The following ADCY2 variants were observed in gnomAD, a reference collection of about 807,000 sequenced individuals.
The protein encoded by ADCY2 is adenylate cyclase 2.
ADCY2 carries 31 observed loss-of-function variants against 125.2 expected under a neutral mutation model. That is an observed-to-expected ratio of 0.25 (90% CI 0.19 to 0.33). ADCY2 has a LOEUF of 0.33. Among genes scored for constraint, ADCY2 ranks in the 10% least tolerant of loss-of-function variants. The pLI is 1.00. For synonymous variants in ADCY2, 512 were observed against 548.4 expected, an observed-to-expected ratio of 0.93 and a Z score of 0.93; for missense variants, 904 against 1,418.2, an observed-to-expected ratio of 0.64 and a Z score of 5.82.
At chr5:7,645,728 C>A (rs1421320089) in intron 4 of ADCY2, among the ~76,000 whole-genome samples, 1 of 152,170 alleles carries the variant, frequency 6.6e-6, no homozygotes, top group Non-Finnish European at 1.5e-5. Context: ...TGAGTCTTCA[C>A]TTATTCAACA....
At chr5:7,703,638 T>C (rs1741164154) in intron 7 of ADCY2, among the ~76,000 whole-genome samples, 3 of 152,166 alleles carry the variant, frequency 2.0e-5, no homozygotes, top group Admixed American at 2.0e-4. Flanking sequence ...CCTTGTAGTA[T>C]AGTTTGAAGT....
At chr5:7,563,901 G>A (rs1403397403) in intron 3 of ADCY2, among the ~76,000 whole-genome samples, 1 of 152,154 alleles carries the variant, frequency 6.6e-6, no homozygotes, top group Non-Finnish European at 1.5e-5. Context: ...CAAATAGGCT[G>A]GGTACTACAG....
intron 15 of ADCY2, among the ~76,000 whole-genome samples, chr5:7,753,764 C>T (rs1322056525): frequency 6.6e-6 from 1 of 152,020 alleles, no homozygotes; most frequent in African/African-American, 2.4e-5. Flanking sequence ...TCTTCTGCTC[C>T]CCCCACCAGC....
chr5:7,538,449 C>T (rs926178408), intron 3 of ADCY2, among the ~76,000 whole-genome samples: 1 of 152,104 alleles, frequency 6.6e-6, no homozygotes, highest in Non-Finnish European at 1.5e-5. Context: ...GTCCAATAAA[C>T]GGTGGCTGTT....
chr5:7,673,291 T>C (rs553623743), intron 4 of ADCY2, among the ~76,000 whole-genome samples: 1 of 100,094 alleles, frequency 1.0e-5, no homozygotes, highest in African/African-American at 3.9e-5. Flanking sequence ...TATATAAAAT[T>C]AGCCAGGTGT....
At chr5:7,697,669 A>T (rs1740938633) in intron 6 of ADCY2, among the ~76,000 whole-genome samples, 1 of 152,252 alleles carries the variant, frequency 6.6e-6, no homozygotes, top group Non-Finnish European at 1.5e-5. Context: ...CAAATTTTAC[A>T]TTAAAACAGT....
At chr5:7,484,737 A>G (rs1742861932) in intron 2 of ADCY2, among the ~76,000 whole-genome samples, 1 of 152,138 alleles carries the variant, frequency 6.6e-6, no homozygotes, top group South Asian at 2.1e-4. Context: ...ACCAGTTTTC[A>G]GGTATTCTCA....
chr5:7,826,825 A>C lies in ADCY2; in HGVS notation c.3230A>C (p.Asn1077Thr). The change falls in exon 25 of 25, where the codon AAC (asparagine) becomes ACC (threonine). Residue 1077 changes from asparagine (N) to threonine (T), a missense_variant. By Grantham distance (65) the Asn-to-Thr change is moderately conservative (BLOSUM62 0). Around this residue, in one of 7 missense-constraint regions of ADCY2, gnomAD observed 181 missense variants for 381.6 expected, o/e 0.47. Transcript: ENST00000338316. Reference protein sequence around the residue: ...GKGDLKTYFVNTEMSRSLSQS... With the variant: ...GKGDLKTYFVTTEMSRSLSQS... ...GGGGACCTGAAGACGTACTTTGTAA[A>C]CACAGAAATGTCAAGGTCCCTTTCC... The C allele has an allele frequency of 6.2e-7, 1 of 1,614,110 alleles. No homozygotes were observed. The highest frequency in any genetic ancestry group is 8.5e-7 in the Non-Finnish European group (1 of 1,180,014).
intron 4 of ADCY2, among the ~76,000 whole-genome samples, chr5:7,653,034 G>C (rs1739153162): frequency 6.6e-6 from 1 of 152,228 alleles, no homozygotes; most frequent in Non-Finnish European, 1.5e-5. Flanking sequence ...CCATGTTACT[G>C]TGTGCTGGAA....
At chr5:7,733,512 C>T (rs190135654) in intron 14 of ADCY2, among the ~76,000 whole-genome samples, 99 of 152,256 alleles carry the variant, frequency 6.5e-4, no homozygotes, top group Non-Finnish European at 1.2e-3. Context: ...GGACAGCAAA[C>T]TCAAGGGCTC....
intron 2 of ADCY2, among the ~76,000 whole-genome samples, chr5:7,518,898 G>A (rs913452055): frequency 1.3e-5 from 2 of 152,182 alleles, no homozygotes; most frequent in Non-Finnish European, 2.9e-5. Flanking sequence ...GCCCCTGAGA[G>A]CTGGGGCTCT....
At chr5:7,717,822 A>G (rs1216947895) in intron 12 of ADCY2, among the ~76,000 whole-genome samples, 1 of 152,206 alleles carries the variant, frequency 6.6e-6, no homozygotes, top group Non-Finnish European at 1.5e-5. Context: ...GACTGCGCTC[A>G]TCACCCTTCA....
chr5:7,772,529 G>A (rs1051984743), intron 17 of ADCY2, among the ~76,000 whole-genome samples: 10 of 152,118 alleles, frequency 6.6e-5, no homozygotes, highest in African/African-American at 2.4e-4. Flanking sequence ...ATGAATTAAA[G>A]AATTGAAAGG....
At chr5:7,722,982 A>AAAAAAAAG (rs1278747504) in intron 12 of ADCY2, among the ~76,000 whole-genome samples, 2 of 148,668 alleles carry the variant, frequency 1.3e-5, no homozygotes, top group Non-Finnish European at 3.0e-5. Flanking sequence ...AAAAAAAAAA[A>AAAAAAAAG]AAAAGCATGT....
chr5:7,729,612 T>C (rs1371314469), intron 14 of ADCY2, among the ~76,000 whole-genome samples: 1 of 151,338 alleles, frequency 6.6e-6, no homozygotes, highest in East Asian at 1.9e-4. Context: ...TTTTTTATGG[T>C]AAATTAAAAG....
intron 2 of ADCY2, among the ~76,000 whole-genome samples, chr5:7,457,990 C>T (rs1307796111): frequency 6.6e-6 from 1 of 152,150 alleles, no homozygotes; most frequent in Non-Finnish European, 1.5e-5. Flanking sequence ...TCACTTTTGG[C>T]CCTGGATTTC....
At chr5:7,711,871 A>C (rs921300551) in intron 10 of ADCY2, among the ~76,000 whole-genome samples, 7 of 152,220 alleles carry the variant, frequency 4.6e-5, no homozygotes, top group Non-Finnish European at 5.9e-5. Context: ...TTGGTGATGC[A>C]TTAAGCCCAA....
chr5:7,622,950 C>G (rs1738004334), intron 3 of ADCY2, among the ~76,000 whole-genome samples: 1 of 152,202 alleles, frequency 6.6e-6, no homozygotes, highest in African/African-American at 2.4e-5. Context: ...CCGTGACACT[C>G]AGGGCCAACT....
In ADCY2 at chr5:7,408,786, G is replaced by A. The variant is rs1460809811; in HGVS notation, c.211-5787G>A. 2.6e-5 allele frequency among the ~76,000 whole-genome samples: 4 copies of A among 152,298 alleles called. No individual in the cohort carries two copies. The East Asian group carries it at 7.7e-4, about 29-fold the overall frequency. ...AACACTTTTACACTCTTGGTGGAGT[G>A]TAAATTAGTTCAGGCATTGTGGGAG... On this transcript the variant is annotated intron_variant, in intron 1 of 24. Coordinates refer to ENST00000338316, the MANE Select transcript of ADCY2 (RefSeq NM_020546.3).
Sources: allele counts gnomAD v4.1 joint callset (sites outside exome capture counted in the v4.1 genomes callset), GRCh38; gene constraint gnomAD v4.1.1; regional missense constraint gnomAD v4.1.1; transcripts MANE v1.5; gene names NCBI Gene and HGNC (gene_info 2026-07-23, HGNC 2026-07-21).